DEPDC5: variants seen among roughly 807,000 people sequenced by gnomAD.
DEPDC5 encodes the protein DEP domain containing 5, GATOR1 subcomplex subunit, also known as GATOR1 complex protein DEPDC5.
A neutral mutation model predicts 217.3 loss-of-function variants in DEPDC5; 73 were observed. That is an observed-to-expected ratio of 0.34 (90% CI 0.28 to 0.41). The LOEUF (loss-of-function observed/expected upper bound fraction) is 0.41, where lower values mean the gene tolerates loss of function less well. Among genes scored for constraint, DEPDC5 ranks in the 10% least tolerant of loss-of-function variants. The probability of loss-of-function intolerance (pLI) is 1.00; values close to 1 mark genes in which losing one functional copy is unlikely to be tolerated. For missense variants in DEPDC5, 1,675 were observed against 2,070.1 expected (o/e 0.81, Z 3.70); for synonymous variants, 733 against 756.7 (o/e 0.97, Z 0.51).
chr22:31,782,260 C>T (rs1373537279), intron 8 of DEPDC5, among the ~76,000 whole-genome samples: 1 of 151,808 alleles, frequency 6.6e-6, no homozygotes, highest in East Asian at 1.9e-4. Flanking sequence ...GCCTCAGCCT[C>T]CCCAGTAGCT....
At chr22:31,817,994 G>T (rs2089319650) in intron 21 of DEPDC5, among the ~76,000 whole-genome samples, 1 of 152,126 alleles carries the variant, frequency 6.6e-6, no homozygotes, top group Non-Finnish European at 1.5e-5. Context: ...ATGAGGTTCT[G>T]TGCTAGGCAT....
chr22:31,819,595 A>G (rs1357246730), intron 22 of DEPDC5, among the ~76,000 whole-genome samples: 1 of 151,558 alleles, frequency 6.6e-6, no homozygotes, highest in African/African-American at 2.4e-5. Context: ...CAGCCTCCCA[A>G]GTAGCTGGGA....
Position 31,843,087 on chromosome 22 carries a change from TC to T in DEPDC5, c.2516-7del. 6.2e-7 allele frequency: 1 copy of T among 1,602,642 alleles called. No individual in the cohort carries two copies. The highest frequency in any genetic ancestry group is 8.5e-7 in the Non-Finnish European group (1 of 1,171,990). Reference sequence around the variant, plus strand: ...AACAGATGGAGGAAATTATTATTTTTCTGTTAGGCCTTGTGTCCCGAAACCG... The same window carrying T: ...AACAGATGGAGGAAATTATTATTTTTTGTTAGGCCTTGTGTCCCGAAACCG... On this transcript the variant is annotated splice_polypyrimidine_tract_variant and splice_region_variant and intron_variant, in intron 27 of 42. Coordinates refer to ENST00000651528, the MANE Select transcript of DEPDC5 (RefSeq NM_001242896.3).
chr22:31,822,358 A>C (rs1051010221), intron 23 of DEPDC5, among the ~76,000 whole-genome samples: 1 of 152,178 alleles, frequency 6.6e-6, no homozygotes, highest in Non-Finnish European at 1.5e-5. Flanking sequence ...TCAGGTCCAT[A>C]TATTCAAGCA....
chr22:31,756,921 T>TA (rs1034148076), intron 2 of DEPDC5, among the ~76,000 whole-genome samples: 1 of 149,942 alleles, frequency 6.7e-6, no homozygotes, highest in Non-Finnish European at 1.5e-5. Flanking sequence ...ACCCTGTCTT[T>TA]AAAAAAATAA....
chr22:31,861,765 A>T (rs866652765), intron 33 of DEPDC5, among the ~76,000 whole-genome samples: 3 of 152,200 alleles, frequency 2.0e-5, no homozygotes, highest in African/African-American at 4.8e-5. Context: ...AAATATGCTT[A>T]GTTAAGGGCT....
chr22:31,833,917 A>G lies in DEPDC5; in HGVS notation c.2107A>G (p.Met703Val), dbSNP rs1312345386. 7 of 1,578,992 alleles carry G rather than the reference A, an allele frequency of 4.4e-6. No homozygotes were observed. The highest frequency in any genetic ancestry group is 3.5e-5 in the South Asian group (3 of 86,814). Residue 703 changes from methionine (M) to valine (V), a missense_variant and splice_region_variant, in exon 25 of 43, where the codon ATG (methionine) becomes GTG (valine). Around this residue, in one of 11 missense-constraint regions of DEPDC5, gnomAD observed 136 missense variants for 132.2 expected, o/e 1.03. Transcript: ENST00000651528. ...VGLLSNSGAG[M>V]NPRTQNKDSL... Reference sequence around the variant, plus strand: ...AAGCTGTTTTTATCTTTCCATAGGTATGAATCCTAGGACCCAGAATAAGGA... The same window carrying G: ...AAGCTGTTTTTATCTTTCCATAGGTGTGAATCCTAGGACCCAGAATAAGGA...
intron 31 of DEPDC5, 121 bp downstream of exon 31, chr22:31,847,088 G>A (rs1024455331): frequency 2.8e-6 from 4 of 1,405,930 alleles, no homozygotes; most frequent in South Asian, 1.3e-5. Flanking sequence ...TAGGGAGAAG[G>A]CATTTATGTG....
At chr22:31,886,887 G>A (rs1374727595) in intron 38 of DEPDC5, among the ~76,000 whole-genome samples, 1 of 149,786 alleles carries the variant, frequency 6.7e-6, no homozygotes, top group Non-Finnish European at 1.5e-5. Context: ...TGGCCAACAT[G>A]GTGAAACCCT....
At chr22:31,812,420 CTTTTTTTTTTTT>C (rs57618137) in intron 20 of DEPDC5, among the ~76,000 whole-genome samples, 65 of 98,286 alleles carry the variant, frequency 6.6e-4, no homozygotes, top group African/African-American at 2.6e-3. Flanking sequence ...TTCCATATTT[CTTTTTTTTTTTT>C]TTTTTTTTTT....
Position 31,758,533 on chromosome 22 carries a change from A to G in DEPDC5, c.59-13A>G. ...AGTGTTTTTCTACTTGAAGTGGCTGAATTGTCTTTCAGATGATGAGCTAGT... is the reference window on the plus strand; with the variant it reads ...AGTGTTTTTCTACTTGAAGTGGCTGGATTGTCTTTCAGATGATGAGCTAGT... On this transcript the variant is annotated splice_polypyrimidine_tract_variant and intron_variant, in intron 2 of 42. Coordinates refer to ENST00000651528, the MANE Select transcript of DEPDC5 (RefSeq NM_001242896.3). 3 of 1,613,468 alleles carry G rather than the reference A, an allele frequency of 1.9e-6. No homozygotes were observed. The highest frequency in any genetic ancestry group is 2.5e-6 in the Non-Finnish European group (3 of 1,179,412).
chr22:31,755,330 G>T (rs2075231148), intron 2 of DEPDC5: 2 of 321,206 alleles, frequency 6.2e-6, no homozygotes, highest in Middle Eastern at 2.0e-3. Context: ...CATTGAGTGA[G>T]AGAGAAGTGG....
chr22:31,767,021 G>A lies in DEPDC5; in HGVS notation c.363+353G>A, dbSNP rs1049443656. ...TTATAGAGGTAGAAACTGAGATTGA[G>A]AAGTTAGGTAATTGCCCAAGGCTAG... On this transcript the variant is annotated intron_variant, in intron 6 of 42. Transcript: ENST00000651528. Among the ~76,000 whole-genome samples the A allele has an allele frequency of 2.6e-5, 4 of 152,152 alleles. No homozygotes were observed. The East Asian group carries it at 7.7e-4, about 29-fold the overall frequency.
intron 32 of DEPDC5, 96 bp downstream of exon 32, chr22:31,857,649 T>C: frequency 9.9e-7 from 1 of 1,011,890 alleles, no homozygotes; most frequent in Non-Finnish European, 1.5e-6. Flanking sequence ...GGATTGCATG[T>C]GCAGAGGCTT....
chr22:31,820,467 CT>C (rs1425763437), intron 22 of DEPDC5, among the ~76,000 whole-genome samples: 2 of 152,112 alleles, frequency 1.3e-5, no homozygotes, highest in African/African-American at 4.8e-5. Flanking sequence ...CTGGAAATGC[CT>C]ATTTTCTTTT....
At chr22:31,770,796 T>C (rs575920269) in intron 7 of DEPDC5, among the ~76,000 whole-genome samples, 3 of 148,450 alleles carry the variant, frequency 2.0e-5, no homozygotes, top group East Asian at 2.0e-4. Context: ...CTTTTCTTTT[T>C]TTTTTTTTTT....
chr22:31,845,389 C>T (rs1010287775), intron 30 of DEPDC5, 152 bp downstream of exon 30: 34 of 1,091,216 alleles, frequency 3.1e-5, no homozygotes, highest in Middle Eastern at 5.8e-4. Context: ...TCTCCTCCAC[C>T]GCGGGGTAAA....
intron 29 of DEPDC5, among the ~76,000 whole-genome samples, chr22:31,844,239 T>TA (rs917460646): frequency 2.0e-4 from 30 of 150,754 alleles, no homozygotes; most frequent in Middle Eastern, 3.4e-3. Context: ...AATAAATAAA[T>TA]AAAAAAAAAT....
chr22:31,805,013 C>A (rs2087343826), intron 17 of DEPDC5, 98 bp downstream of exon 17: 10 of 1,190,860 alleles, frequency 8.4e-6, no homozygotes, highest in Non-Finnish European at 1.2e-5. Context: ...TGGCACTAAA[C>A]CTTTTGTTAA....
Sources: gnomAD v4.1 joint callset for allele counts (sites outside exome capture counted in the v4.1 genomes callset) on GRCh38, gnomAD v4.1.1 for gene constraint, gnomAD v4.1.1 regional missense constraint, MANE v1.5 for transcripts, NCBI Gene and HGNC (gene_info 2026-07-23, HGNC 2026-07-21) for gene names.